The following EML4 variants were observed in gnomAD, a reference collection of about 807,000 sequenced individuals.
EML4 encodes EMAP like 4.
A neutral mutation model predicts 129.0 loss-of-function variants in EML4; 72 were observed. That is an observed-to-expected ratio of 0.56 (90% CI 0.46 to 0.68). The LOEUF is 0.68. Among genes scored for constraint, EML4 ranks in the 30% least tolerant of loss-of-function variants. The probability of loss-of-function intolerance (pLI) is 0.00; values close to 1 mark genes in which losing one functional copy is unlikely to be tolerated. For synonymous variants in EML4, 532 were observed against 405.0 expected (o/e 1.31, Z -3.77); for missense variants, 1,363 against 1,190.6 (o/e 1.14, Z -2.13).
chr2:42,289,268 T>A (rs573362544), intron 11 of EML4: 1 of 152,346 alleles, frequency 6.6e-6, no homozygotes, highest in South Asian at 2.1e-4. Flanking sequence ...CAATTTTGAT[T>A]CTTCATAGTA....
In EML4 at chr2:42,325,529, C is replaced by G. The variant is rs1669738448; in HGVS notation, c.2217C>G (p.Asn739Lys). The change falls in exon 20 of 23, where the codon AAC becomes AAG. Residue 739 changes from asparagine (N) to lysine (K), a missense_variant. Physicochemically the swap from Asn to Lys is moderately conservative, Grantham distance 94. Transcript: ENST00000318522. Reference protein sequence around the residue: ...WSPDNKYIMSNSGDYEILYWD... With the variant: ...WSPDNKYIMSKSGDYEILYWD... ...CAGACAACAAGTATATAATGTCTAACTCGGGAGACTATGAAATATTGTACT... is the reference window on the plus strand; with the variant it reads ...CAGACAACAAGTATATAATGTCTAAGTCGGGAGACTATGAAATATTGTACT... The G allele has an allele frequency of 6.5e-7, 1 of 1,534,804 alleles. No homozygotes were observed. Among genetic ancestry groups the G allele is most frequent in the African/African-American group, 1.4e-5 (1 of 73,008 alleles).
chr2:42,326,365 C>G (rs908385342), intron 21 of EML4, 113 bp downstream of exon 21: 2 of 677,192 alleles, frequency 3.0e-6, no homozygotes, highest in Non-Finnish European at 4.9e-6. Context: ...AGCTTTATCA[C>G]TATTAATGTC....
At chr2:42,279,461 C>A (rs1572678818) in intron 6 of EML4, among the ~76,000 whole-genome samples, 1 of 142,418 alleles carries the variant, frequency 7.0e-6, no homozygotes, top group Non-Finnish European at 1.5e-5. Flanking sequence ...CACTTGCCGT[C>A]TTTTTTTTTT....
chr2:42,273,044 C>A (rs1666459770), intron 6 of EML4, among the ~76,000 whole-genome samples: 1 of 152,230 alleles, frequency 6.6e-6, no homozygotes, highest in East Asian at 1.9e-4. Flanking sequence ...ATTGAGAAAG[C>A]AGAGCCAGGG....
chr2:42,267,866 C>CTT (rs1666150813), intron 6 of EML4, among the ~76,000 whole-genome samples: 1 of 152,158 alleles, frequency 6.6e-6, no homozygotes, highest in Admixed American at 6.5e-5. Flanking sequence ...AAAGTCCTAG[C>CTT]ATGTCAACTT....
At chr2:42,213,648 C>T (rs766258564) in intron 1 of EML4, among the ~76,000 whole-genome samples, 1 of 151,884 alleles carries the variant, frequency 6.6e-6, no homozygotes, top group Non-Finnish European at 1.5e-5. Flanking sequence ...TTTTCTTTTT[C>T]GCAGCAGCGA....
At chr2:42,282,422 T>C (rs1336757153) in intron 7 of EML4, among the ~76,000 whole-genome samples, 1 of 152,060 alleles carries the variant, frequency 6.6e-6, no homozygotes, top group Non-Finnish European at 1.5e-5. Context: ...CAACAGGGTC[T>C]CTGTGGCCCA....
chr2:42,285,543 A>T (rs957396739), intron 9 of EML4, among the ~76,000 whole-genome samples: 3 of 151,934 alleles, frequency 2.0e-5, no homozygotes, highest in African/African-American at 7.3e-5. Context: ...TAAAAGCAAA[A>T]GTATCCGGAG....
chr2:42,328,520 A>G (rs1669929738), intron 21 of EML4, among the ~76,000 whole-genome samples: 1 of 152,222 alleles, frequency 6.6e-6, no homozygotes, highest in African/African-American at 2.4e-5. Context: ...AACCTTGTCT[A>G]TACAAGTAAC....
At chr2:42,221,146 A>C (rs552361746) in intron 1 of EML4, among the ~76,000 whole-genome samples, 2 of 152,138 alleles carry the variant, frequency 1.3e-5, no homozygotes, top group African/African-American at 4.8e-5. Context: ...TTATCAGTGT[A>C]GACAACACTG....
intron 1 of EML4, among the ~76,000 whole-genome samples, chr2:42,181,899 T>A (rs764604794): frequency 5.3e-5 from 8 of 152,208 alleles, no homozygotes; most frequent in Non-Finnish European, 1.2e-4. Context: ...GCTGGAGTCC[T>A]CGTCACAGTA....
chr2:42,215,816 T>G (rs1052093023), intron 1 of EML4, among the ~76,000 whole-genome samples: 1 of 152,226 alleles, frequency 6.6e-6, no homozygotes, highest in African/African-American at 2.4e-5. Context: ...CTTTTAAATC[T>G]GCCTTATCGC....
chr2:42,313,851 C>T (rs1001708370), intron 17 of EML4, among the ~76,000 whole-genome samples: 1 of 151,904 alleles, frequency 6.6e-6, no homozygotes, highest in Admixed American at 6.5e-5. Context: ...ATCGCTTGAA[C>T]CCGGAGGCGG....
intron 7 of EML4, 47 bp from the exon 8 acceptor site, chr2:42,282,776 A>G (rs768558627): frequency 2.4e-5 from 37 of 1,548,526 alleles, no homozygotes; most frequent in Non-Finnish European, 3.1e-5. Context: ...TCTGTTAACA[A>G]CTTGAAAACT....
At chr2:42,193,245 G>A (rs556878765) in intron 1 of EML4, among the ~76,000 whole-genome samples, 15 of 152,336 alleles carry the variant, frequency 9.8e-5, no homozygotes, top group Admixed American at 3.3e-4. Context: ...GCCTAGGTCT[G>A]TAGTAGGCTA....
chr2:42,304,433 A>G (rs768393982), intron 16 of EML4, 51 bp from the exon 17 acceptor site: 23 of 1,438,378 alleles, frequency 1.6e-5, no homozygotes, highest in East Asian at 1.1e-4. Context: ...TACTGTCCCC[A>G]TAGGGAGACT....
chr2:42,327,802 C>T (rs1355690290), intron 21 of EML4, among the ~76,000 whole-genome samples: 1 of 152,166 alleles, frequency 6.6e-6, no homozygotes, highest in East Asian at 1.9e-4. Flanking sequence ...GGATGTGGCA[C>T]CAATACCTAA....
intron 8 of EML4, among the ~76,000 whole-genome samples, chr2:42,283,468 ATTTTGTTACTT>A (rs1014248103): frequency 6.6e-6 from 1 of 152,086 alleles, no homozygotes; most frequent in Admixed American, 6.5e-5. Context: ...CTTTTAAATT[ATTTTGTTACTT>A]TTTAGTTAAA....
At chr2:42,172,287 T>C (rs906395529) in intron 1 of EML4, among the ~76,000 whole-genome samples, 2 of 152,206 alleles carry the variant, frequency 1.3e-5, no homozygotes, top group East Asian at 3.8e-4. Flanking sequence ...GTGACTCATT[T>C]TGTGAAGTGA....
Sources: allele counts gnomAD v4.1 joint callset (sites outside exome capture counted in the v4.1 genomes callset), GRCh38; gene constraint gnomAD v4.1.1; transcripts MANE v1.5; gene names NCBI Gene and HGNC (gene_info 2026-07-23, HGNC 2026-07-21).